The following OTUD6B variants were observed in gnomAD, a reference collection of about 807,000 sequenced individuals.
OTUD6B encodes deubiquitinase OTUD6B.
In OTUD6B, 41 loss-of-function variants were observed where a neutral mutation model predicts 36.9. That is an observed-to-expected ratio of 1.11 (90% CI 0.87 to 1.44). The LOEUF is 1.44. OTUD6B is among the 40% of genes most tolerant of loss of function. The probability of loss-of-function intolerance (pLI) is 0.00; values close to 1 mark genes in which losing one functional copy is unlikely to be tolerated. For missense variants in OTUD6B, 356 were observed against 344.8 expected, an observed-to-expected ratio of 1.03 and a Z score of -0.26; for synonymous variants, 114 against 114.2, an observed-to-expected ratio of 1.00 and a Z score of 0.01.
Position 91,071,285 on chromosome 8 carries a change from A to G in OTUD6B, c.230A>G (p.Asn77Ser). 6.2e-7 allele frequency: 1 copy of G among 1,609,534 alleles called. No individual in the cohort carries two copies. Reference protein sequence around the residue: ...LEQLKLTTKENKIDSVAVNIS... With the variant: ...LEQLKLTTKESKIDSVAVNIS... Reference sequence around the variant, plus strand: ...CAATTGAAGCTGACTACTAAGGAGAATAAGGTATGTGAAATAAATGTTTGT... The same window carrying G: ...CAATTGAAGCTGACTACTAAGGAGAGTAAGGTATGTGAAATAAATGTTTGT... The change falls in exon 2 of 7, where the codon AAT (asparagine) becomes AGT (serine). Residue 77 changes from asparagine to serine, a missense_variant. Physicochemically the swap from Asn to Ser is conservative, Grantham distance 46 (BLOSUM62 1). Transcript: ENST00000404789.
intron 4 of OTUD6B, among the ~76,000 whole-genome samples, chr8:91,080,283 AT>A (rs559699262): frequency 6.6e-6 from 1 of 151,842 alleles, no homozygotes; most frequent in Non-Finnish European, 1.5e-5. Flanking sequence ...CAGGAACTAC[AT>A]TTTTTTTGTC....
At chr8:91,072,586 C>T (rs78321802) in intron 2 of OTUD6B, among the ~76,000 whole-genome samples, 1 of 152,138 alleles carries the variant, frequency 6.6e-6, no homozygotes, top group Non-Finnish European at 1.5e-5. Flanking sequence ...TAAATATAGT[C>T]TAAATTTCTT....
At chr8:91,070,803 T>A (rs1402700290) in intron 1 of OTUD6B, among the ~76,000 whole-genome samples, 1 of 152,070 alleles carries the variant, frequency 6.6e-6, no homozygotes, top group Non-Finnish European at 1.5e-5. Flanking sequence ...TACTTGTCCC[T>A]AATGGGTGTA....
chr8:91,080,283 A>AT (rs559699262), intron 4 of OTUD6B, among the ~76,000 whole-genome samples: 8 of 151,962 alleles, frequency 5.3e-5, no homozygotes, highest in Non-Finnish European at 7.4e-5. Context: ...CAGGAACTAC[A>AT]TTTTTTTTGT....
chr8:91,075,639 T>C (rs1259068022), intron 3 of OTUD6B, among the ~76,000 whole-genome samples: 2 of 152,090 alleles, frequency 1.3e-5, no homozygotes, highest in Non-Finnish European at 2.9e-5. Context: ...AGTCAGCTGC[T>C]TTAACACTTG....
chr8:91,074,410 A>G (rs928462132), intron 3 of OTUD6B, among the ~76,000 whole-genome samples: 1 of 152,152 alleles, frequency 6.6e-6, no homozygotes, highest in Non-Finnish European at 1.5e-5. Flanking sequence ...TTAGAGAATT[A>G]TGTAGGTATC....
chr8:91,077,510 G>A (rs1013857442), intron 3 of OTUD6B, among the ~76,000 whole-genome samples: 1 of 151,728 alleles, frequency 6.6e-6, no homozygotes, highest in African/African-American at 2.4e-5. Flanking sequence ...CATCTGTTAG[G>A]AATTTTTTTT....
chr8:91,083,169 A>G (rs2130445209), intron 5 of OTUD6B, among the ~76,000 whole-genome samples: 1 of 152,280 alleles, frequency 6.6e-6, no homozygotes, highest in East Asian at 1.9e-4. Context: ...TACAATTCAT[A>G]TACATATTCT....
chr8:91,071,354 T>C (rs1193058068), intron 2 of OTUD6B, 65 bp downstream of exon 2: 1 of 1,313,138 alleles, frequency 7.6e-7, no homozygotes, highest in Non-Finnish European at 1.0e-6. Flanking sequence ...TTCTGTTAAA[T>C]GTTAAACTGC....
chr8:91,076,502 C>A, intron 3 of OTUD6B: 1 of 1,512,144 alleles, frequency 6.6e-7, no homozygotes, highest in Non-Finnish European at 8.8e-7. Flanking sequence ...AACAGTTTTG[C>A]AGATAAGATA....
intron 5 of OTUD6B, among the ~76,000 whole-genome samples, chr8:91,082,548 C>T (rs1044865657): frequency 2.6e-5 from 4 of 151,516 alleles, no homozygotes; most frequent in African/African-American, 4.8e-5. Flanking sequence ...TTTGTAGAAA[C>T]GGGGTCTCCC....
chr8:91,082,579 C>T (rs528153579), intron 5 of OTUD6B, among the ~76,000 whole-genome samples: 6 of 151,898 alleles, frequency 4.0e-5, no homozygotes, highest in South Asian at 2.1e-4. Context: ...AGGCTGGTCT[C>T]GAACGCCTGA....
rs372598267 is a variant in OTUD6B, at chr8:91,080,788, C to G, written c.690+58C>G. 15 of 1,297,670 alleles carry G rather than the reference C, an allele frequency of 1.2e-5. No homozygotes were observed. The African/African-American group carries it at 1.8e-4, about 15-fold the overall frequency. 80.4% of individuals were successfully genotyped at this position (1,297,670 alleles called of 1,614,324 possible). A position where few individuals can be genotyped will look rare whatever the true frequency, so the allele number is the denominator to read the frequency against. On this transcript the variant is annotated intron_variant, in intron 5 of 6. Transcript: ENST00000404789. ...TTGTTAAATTATTTCTAAATCCCTT[C>G]TGTAGTTTTTAGATGTTTCTCAGCT...
At chr8:91,084,394 T>A (rs1207102346) in intron 6 of OTUD6B, among the ~76,000 whole-genome samples, 1 of 152,176 alleles carries the variant, frequency 6.6e-6, no homozygotes, top group African/African-American at 2.4e-5. Context: ...ATTCCTTAGA[T>A]TTATTTTTCT....
At position 91,085,479 on chromosome 8, in the gene OTUD6B, A is replaced by G. The variant is rs1812997641; in HGVS notation, c.*611A>G. ...TTATTTAGATGGGATTCAGTTGTTTAAAGAAGTGAGATAAATTCAAAGGTA... is the reference window on the plus strand; with the variant it reads ...TTATTTAGATGGGATTCAGTTGTTTGAAGAAGTGAGATAAATTCAAAGGTA... On this transcript the variant is annotated 3_prime_UTR_variant, in exon 7 of 7. Coordinates refer to ENST00000404789, the MANE Select transcript of OTUD6B (RefSeq NM_016023.5). 6.6e-6 allele frequency: 1 copy of G among 152,008 alleles called. No homozygotes were observed. Among genetic ancestry groups the G allele is most frequent in the Non-Finnish European group, 1.5e-5 (1 of 67,940 alleles). 9.4% of individuals were successfully genotyped at this position (152,008 alleles called of 1,614,324 possible). A position where few individuals can be genotyped will look rare whatever the true frequency, so the allele number is the denominator to read the frequency against.
chr8:91,070,545 T>C, intron 1 of OTUD6B, 79 bp downstream of exon 1: 2 of 1,364,706 alleles, frequency 1.5e-6, no homozygotes, highest in Admixed American at 4.0e-5. Flanking sequence ...CTGGGGAATC[T>C]CAAGGCGTGA....
In OTUD6B at chr8:91,073,875, T is replaced by C; in HGVS notation, c.279T>C (p.Asn93=). ...ACATTTCAAACTTGGTGCTTGAGAA[T>C]CAGCCACCTCGGATATCAAAAGCAC... ...AVNISNLVLE[N]QPPRISKAQK... is the part of the protein sequence containing the mutation. The change falls in exon 3 of 7, where the codon AAT becomes AAC. Residue 93 remains asparagine, a synonymous_variant. Transcript: ENST00000404789. 1.3e-6 allele frequency: 2 copies of C among 1,594,586 alleles called. No homozygotes were observed. The highest frequency in any genetic ancestry group is 1.1e-5 in the South Asian group (1 of 87,828).
Position 91,072,847 on chromosome 8 carries a change from A to G in OTUD6B, c.235-984A>G, listed in dbSNP as rs373459139. 5.9e-5 allele frequency among the ~76,000 whole-genome samples: 9 copies of G among 152,344 alleles called. No homozygotes were observed. The South Asian group carries it at 1.0e-3, about 18-fold the overall frequency. On this transcript the variant is annotated intron_variant, in intron 2 of 6. Transcript: ENST00000404789. ...ATAAGCTACATGGAGTCCTACTGTTAAAACACAAACTCCCATTTTAGTTTG... is the reference window on the plus strand; with the variant it reads ...ATAAGCTACATGGAGTCCTACTGTTGAAACACAAACTCCCATTTTAGTTTG...
In OTUD6B at chr8:91,070,347, G is replaced by A; in HGVS notation, c.-38G>A. ...TGGAAGGTGCCTACTAGCCGGTGCA[G>A]GTTTCTTCTAGCGCGTGTGCTGGGG... On this transcript the variant is annotated 5_prime_UTR_variant, in exon 1 of 7. Transcript: ENST00000404789. 6.2e-7 allele frequency: 1 copy of A among 1,613,230 alleles called. No individual in the cohort carries two copies. Among genetic ancestry groups the A allele is most frequent in the Non-Finnish European group, 8.5e-7 (1 of 1,179,598 alleles).
Sources: gnomAD v4.1 joint callset for allele counts (sites outside exome capture counted in the v4.1 genomes callset) on GRCh38, gnomAD v4.1.1 for gene constraint, MANE v1.5 for transcripts, NCBI Gene and HGNC (gene_info 2026-07-23, HGNC 2026-07-21) for gene names.